The following DOK5 variants were observed in gnomAD, a reference collection of about 807,000 sequenced individuals.
DOK5 encodes the protein downstream of tyrosine kinase 5.
A neutral mutation model predicts 43.3 loss-of-function variants in DOK5; 27 were observed. That is an observed-to-expected ratio of 0.62 (90% CI 0.46 to 0.86). The LOEUF is 0.86. Ranked by LOEUF, DOK5 falls within the 40% of genes least tolerant of loss-of-function variation. The pLI, the probability that DOK5 is intolerant of heterozygous loss-of-function variation, is 0.00. For synonymous variants in DOK5, 146 were observed against 140.1 expected (o/e 1.04, Z -0.30); for missense variants, 373 against 392.9 (o/e 0.95, Z 0.43).
chr20:54,645,501 C>T (rs181650808), intron 7 of DOK5, among the ~76,000 whole-genome samples: 231 of 152,192 alleles, frequency 1.5e-3, no homozygotes, highest in Non-Finnish European at 2.6e-3. Context: ...CCTTTCTCCC[C>T]CAGGCAGCTT....
chr20:54,505,958 C>T (rs1227273966), intron 1 of DOK5, among the ~76,000 whole-genome samples: 1 of 152,166 alleles, frequency 6.6e-6, no homozygotes, highest in Non-Finnish European at 1.5e-5. Flanking sequence ...GCATTTTGTT[C>T]TTCATGGGAA....
At chr20:54,637,704 A>C (rs1262584857) in intron 6 of DOK5, among the ~76,000 whole-genome samples, 1 of 152,234 alleles carries the variant, frequency 6.6e-6, no homozygotes, top group Admixed American at 6.5e-5. Context: ...TTTATTTTTG[A>C]AGACAATTTT....
intron 1 of DOK5, among the ~76,000 whole-genome samples, chr20:54,489,856 G>A (rs942289367): frequency 6.6e-6 from 1 of 152,058 alleles, no homozygotes; most frequent in Non-Finnish European, 1.5e-5. Context: ...CTTAGAAGTG[G>A]GACTTATTGT....
At chr20:54,579,955 G>T (rs1421861192) in intron 2 of DOK5, among the ~76,000 whole-genome samples, 1 of 151,922 alleles carries the variant, frequency 6.6e-6, no homozygotes, top group Non-Finnish European at 1.5e-5. Flanking sequence ...GACAGGCCCT[G>T]GTGTGTGATG....
chr20:54,635,655 C>T (rs1290906887), intron 6 of DOK5, among the ~76,000 whole-genome samples: 1 of 152,192 alleles, frequency 6.6e-6, no homozygotes, highest in African/African-American at 2.4e-5. Context: ...TCTTATGTCT[C>T]CCTAAAACAT....
intron 1 of DOK5, among the ~76,000 whole-genome samples, chr20:54,552,220 T>C (rs951377184): frequency 4.0e-4 from 61 of 152,284 alleles, no homozygotes; most frequent in African/African-American, 1.3e-3. Flanking sequence ...GTTAACATTT[T>C]TTTTTGTCTT....
intron 2 of DOK5, among the ~76,000 whole-genome samples, chr20:54,585,345 A>G (rs941141399): frequency 9.9e-5 from 15 of 152,124 alleles, no homozygotes; most frequent in Admixed American, 6.6e-5. Context: ...CAATTTCCTA[A>G]ATGGGTAATT....
At chr20:54,563,685 T>G (rs76113567) in intron 2 of DOK5, among the ~76,000 whole-genome samples, 1 of 149,420 alleles carries the variant, frequency 6.7e-6, no homozygotes, top group Non-Finnish European at 1.5e-5. Flanking sequence ...TTTTTTTTTT[T>G]TACTTTCATG....
At chr20:54,539,279 C>CA (rs57981823) in intron 1 of DOK5, among the ~76,000 whole-genome samples, 1,916 of 44,684 alleles carry the variant, frequency 0.043, 291 homozygotes, top group Non-Finnish European at 0.075. Context: ...GCTCCATCTC[C>CA]AAAAAAAAAA....
intron 6 of DOK5, among the ~76,000 whole-genome samples, chr20:54,637,009 C>G (rs1978855140): frequency 6.6e-6 from 1 of 152,204 alleles, no homozygotes; most frequent in Non-Finnish European, 1.5e-5. Context: ...TAGCACATAT[C>G]AGAACTTCAT....
chr20:54,493,478 T>C (rs956032125), intron 1 of DOK5, among the ~76,000 whole-genome samples: 8 of 152,138 alleles, frequency 5.3e-5, no homozygotes, highest in Admixed American at 5.2e-4. Flanking sequence ...TTCTGACATA[T>C]CCCAGTCTAA....
chr20:54,518,174 G>T (rs190234933), intron 1 of DOK5, among the ~76,000 whole-genome samples: 23 of 152,052 alleles, frequency 1.5e-4, no homozygotes, highest in Non-Finnish European at 2.5e-4. Context: ...TGCACAACAT[G>T]CAAGTTTGTT....
At chr20:54,587,511 G>A (rs944712933) in intron 2 of DOK5, among the ~76,000 whole-genome samples, 1 of 152,076 alleles carries the variant, frequency 6.6e-6, no homozygotes, top group African/African-American at 2.4e-5. Context: ...TGAAAGGGAG[G>A]TTAAACTTGT....
chr20:54,528,477 G>A (rs1219773147), intron 1 of DOK5, among the ~76,000 whole-genome samples: 3 of 151,886 alleles, frequency 2.0e-5, no homozygotes, highest in Admixed American at 6.6e-5. Flanking sequence ...GGTCCAAGAT[G>A]GCTGTTGAAG....
At chr20:54,603,310 G>A (rs191044768) in intron 5 of DOK5, among the ~76,000 whole-genome samples, 3 of 152,312 alleles carry the variant, frequency 2.0e-5, no homozygotes, top group African/African-American at 7.2e-5. Context: ...GATTTCCAGC[G>A]AGTACACACA....
chr20:54,546,094 AT>A (rs1292278109), intron 1 of DOK5, among the ~76,000 whole-genome samples: 3 of 152,208 alleles, frequency 2.0e-5, no homozygotes, highest in Non-Finnish European at 4.4e-5. Flanking sequence ...GAATCCTGGC[AT>A]ATTTCTCCTA....
At chr20:54,573,371 T>A (rs1462795927) in intron 2 of DOK5, among the ~76,000 whole-genome samples, 2 of 152,090 alleles carry the variant, frequency 1.3e-5, no homozygotes, top group East Asian at 1.9e-4. Context: ...GCTTTAAAGA[T>A]AAAATAAAGC....
chr20:54,544,278 T>C (rs1483533942), intron 1 of DOK5, among the ~76,000 whole-genome samples: 1 of 152,194 alleles, frequency 6.6e-6, no homozygotes, highest in Non-Finnish European at 1.5e-5. Flanking sequence ...TGTTTACTCA[T>C]TAAAAAGATT....
intron 1 of DOK5, among the ~76,000 whole-genome samples, chr20:54,520,843 TA>T (rs143700007): frequency 0.032 from 4,840 of 152,220 alleles, 171 homozygotes; most frequent in East Asian, 0.09. Flanking sequence ...TTACGTATAA[TA>T]AAATACAGAG....
Sources: allele counts gnomAD v4.1 joint callset (sites outside exome capture counted in the v4.1 genomes callset), GRCh38; gene constraint gnomAD v4.1.1; transcripts MANE v1.5; gene names NCBI Gene and HGNC (gene_info 2026-07-23, HGNC 2026-07-21).